FER1L6: variants seen among roughly 807,000 people sequenced by gnomAD.
FER1L6 encodes the protein fer-1 like family member 6.
In FER1L6, 177 loss-of-function variants were observed where a neutral mutation model predicts 219.2. The observed-to-expected ratio is 0.81, with a 90% CI of 0.71 to 0.91. The LOEUF is 0.91. Ranked by LOEUF, FER1L6 falls within the 40% of genes least tolerant of loss-of-function variation. The pLI is 0.00. For missense variants in FER1L6, 2,153 were observed against 2,259.9 expected (o/e 0.95, Z 0.96); for synonymous variants, 768 against 824.3 (o/e 0.93, Z 1.17).
chr8:123,880,328 C>A (rs960872076), intron 1 of FER1L6, among the ~76,000 whole-genome samples: 2 of 152,212 alleles, frequency 1.3e-5, no homozygotes, highest in Admixed American at 1.3e-4. Context: ...ATTTAACTGG[C>A]AATCCACAGG....
At chr8:123,975,469 A>T (rs1426292135) in intron 8 of FER1L6, among the ~76,000 whole-genome samples, 163 bp downstream of exon 8, 1 of 152,154 alleles carries the variant, frequency 6.6e-6, no homozygotes, top group Non-Finnish European at 1.5e-5. Context: ...TGTCCTATTA[A>T]GGTATGACTC....
chr8:123,904,224 TTGTGTGTGTGTGTGTGTGTGTGTGTGTG>T (rs56224402), intron 1 of FER1L6, among the ~76,000 whole-genome samples: 1 of 139,396 alleles, frequency 7.2e-6, no homozygotes, highest in South Asian at 2.4e-4. Flanking sequence ...CTCTGTATAT[TTGTGTGTGTGTGTGTGTGTGTGTGTGTG>T]TGTGTGTGTG....
chr8:124,059,899 G>A lies in FER1L6; in HGVS notation c.2875-281G>A, dbSNP rs145781083. On this transcript the variant is annotated intron_variant, in intron 22 of 40. Coordinates refer to ENST00000522917, the MANE Select transcript of FER1L6 (RefSeq NM_001039112.2). ...TATTAAGTTGTAAAGACCATCTTCCGTATTTGTTTTTCTCTCTCCCCTCTA... is the reference window on the plus strand; with the variant it reads ...TATTAAGTTGTAAAGACCATCTTCCATATTTGTTTTTCTCTCTCCCCTCTA... 5.6e-3 allele frequency among the ~76,000 whole-genome samples: 846 copies of A among 152,166 alleles called. 4 individuals carry two copies. The highest frequency in any genetic ancestry group is 8.8e-3 in the Non-Finnish European group (600 of 68,000).
At chr8:124,088,401 C>A (rs1359804687) in intron 33 of FER1L6, among the ~76,000 whole-genome samples, 1 of 152,042 alleles carries the variant, frequency 6.6e-6, no homozygotes, top group Non-Finnish European at 1.5e-5. Flanking sequence ...GGGCAGTGGG[C>A]TGCCCTCTGG....
At position 124,095,001 on chromosome 8, in the gene FER1L6, G is replaced by A. The variant is rs533143433; in HGVS notation, c.4658G>A (p.Arg1553Gln). 14 of 1,614,076 alleles carry A rather than the reference G, an allele frequency of 8.7e-6. No individual in the cohort carries two copies. The highest frequency in any genetic ancestry group is 6.7e-5 in the East Asian group (3 of 44,876). Reference sequence around the variant, plus strand: ...CTGGTTCCTGAACACATAGAAACTCGGCCACTGTACCACAAGGATAAGCCA... The same window carrying A: ...CTGGTTCCTGAACACATAGAAACTCAGCCACTGTACCACAAGGATAAGCCA... ...CRLVPEHIET[R>Q]PLYHKDKPGM... is the part of the protein sequence containing the mutation. The change falls in exon 35 of 41, where the codon CGG (arginine) becomes CAG (glutamine). Residue 1553 changes from arginine to glutamine, a missense_variant. By Grantham distance (43) the Arg-to-Gln change is conservative. Transcript: ENST00000522917.
chr8:123,902,135 T>C (rs567973483), intron 1 of FER1L6, among the ~76,000 whole-genome samples: 17 of 152,314 alleles, frequency 1.1e-4, no homozygotes, highest in African/African-American at 3.4e-4. Flanking sequence ...CTTTTGGAGA[T>C]GATTTCCAGT....
intron 1 of FER1L6, among the ~76,000 whole-genome samples, chr8:123,882,860 C>G (rs28759021): frequency 1.3e-5 from 2 of 152,008 alleles, no homozygotes; most frequent in East Asian, 3.9e-4. Flanking sequence ...AAGAGTGAAC[C>G]GTAATAAAAA....
chr8:124,113,666 A>G (rs535323133), intron 39 of FER1L6, among the ~76,000 whole-genome samples: 35 of 152,292 alleles, frequency 2.3e-4, no homozygotes, highest in South Asian at 2.3e-3. Context: ...TGTTAAAACA[A>G]TCTTCTGACA....
chr8:123,999,153 G>T (rs939185575), intron 12 of FER1L6, among the ~76,000 whole-genome samples: 3 of 152,038 alleles, frequency 2.0e-5, no homozygotes, highest in African/African-American at 7.3e-5. Flanking sequence ...AGTTAACACC[G>T]CTGGGAATGT....
chr8:124,018,755 C>G (rs886485480), intron 16 of FER1L6, among the ~76,000 whole-genome samples: 1 of 152,204 alleles, frequency 6.6e-6, no homozygotes, highest in Non-Finnish European at 1.5e-5. Flanking sequence ...TCACATCACT[C>G]CAAACTCTGA....
intron 1 of FER1L6, among the ~76,000 whole-genome samples, chr8:123,946,992 T>C (rs1814523011): frequency 6.6e-6 from 1 of 151,986 alleles, no homozygotes; most frequent in African/African-American, 2.4e-5. Flanking sequence ...GGTAGAGAAA[T>C]AGCCAACCAA....
rs71576706 is a variant in FER1L6, at chr8:123,856,316, G to GTGTATATATATA, written c.-8+4132_-8+4133insGTATATATATAT. Among the ~76,000 whole-genome samples, 121 of 45,086 alleles carry GTGTATATATATA rather than the reference G, an allele frequency of 2.7e-3. 11 individuals are homozygous for GTGTATATATATA. The highest frequency in any genetic ancestry group is 9.6e-3 in the African/African-American group (111 of 11,508). The allele number at this position is 45,086 out of a possible 152,430, so 29.6% of individuals were successfully genotyped here. A position where few individuals can be genotyped will look rare whatever the true frequency, so the allele number is the denominator to read the frequency against. On this transcript the variant is annotated intron_variant, in intron 1 of 40. Transcript: ENST00000522917. ...TGTATATATATATATATATGTATGT[G>GTGTATATATATA]TATATATATATATATATATATATAT...
chr8:124,042,336 A>C (rs1819537994), intron 20 of FER1L6, among the ~76,000 whole-genome samples: 1 of 152,236 alleles, frequency 6.6e-6, no homozygotes, highest in African/African-American at 2.4e-5. Flanking sequence ...TTTTGTTAAT[A>C]ATAATAGCTG....
chr8:123,914,609 G>A (rs1813131214), intron 1 of FER1L6, among the ~76,000 whole-genome samples: 1 of 152,178 alleles, frequency 6.6e-6, no homozygotes, highest in Non-Finnish European at 1.5e-5. Flanking sequence ...TCTGGATAAA[G>A]GCAGACATCA....
intron 1 of FER1L6, among the ~76,000 whole-genome samples, chr8:123,883,220 G>A (rs148321477): frequency 1.1e-4 from 16 of 152,304 alleles, no homozygotes; most frequent in African/African-American, 3.8e-4. Context: ...CAGAGGTGGG[G>A]CTGTGCTGTG....
At chr8:124,035,226 C>T (rs1445051474) in intron 18 of FER1L6, 51 bp from the exon 19 acceptor site, 2 of 1,572,468 alleles carry the variant, frequency 1.3e-6, no homozygotes, top group East Asian at 2.2e-5. Context: ...AAGGGGAGGC[C>T]TATAATTATC....
Position 124,035,367 on chromosome 8 carries a change from T to C in FER1L6, c.2377T>C (p.Leu793=). 6.2e-7 allele frequency: 1 copy of C among 1,614,108 alleles called. No homozygotes were observed. The highest frequency in any genetic ancestry group is 1.1e-5 in the South Asian group (1 of 91,080). ...LGSIKHASAI[L]DNLPVGYEAE... ...CTCCATCAAGCATGCCAGTGCCATTTTGGACAACTTGCCAGTAGGCTATGA... is the reference window on the plus strand; with the variant it reads ...CTCCATCAAGCATGCCAGTGCCATTCTGGACAACTTGCCAGTAGGCTATGA... Residue 793 remains leucine (L), a synonymous_variant, in exon 19 of 41, where the codon TTG becomes CTG. Coordinates refer to ENST00000522917, the MANE Select transcript of FER1L6 (RefSeq NM_001039112.2).
chr8:123,986,998 C>T (rs537466896), intron 12 of FER1L6, among the ~76,000 whole-genome samples: 2 of 152,162 alleles, frequency 1.3e-5, no homozygotes, highest in South Asian at 2.1e-4. Flanking sequence ...GACATCTCTT[C>T]GATATACTGA....
chr8:123,928,354 C>A (rs1813643760), intron 1 of FER1L6, among the ~76,000 whole-genome samples: 1 of 152,138 alleles, frequency 6.6e-6, no homozygotes, highest in Admixed American at 6.5e-5. Flanking sequence ...AGCTAGAATG[C>A]AGGCATGTGA....
Sources: gnomAD v4.1 joint callset for allele counts (sites outside exome capture counted in the v4.1 genomes callset) on GRCh38, gnomAD v4.1.1 for gene constraint, MANE v1.5 for transcripts, NCBI Gene and HGNC (gene_info 2026-07-23, HGNC 2026-07-21) for gene names.